Variants in COBLL1 observed in about 807,000 individuals in gnomAD.
COBLL1 encodes cordon-bleu WH2 repeat protein like 1, also known as cordon-bleu protein-like 1.
Under a neutral mutation model 94.8 loss-of-function variants are expected in COBLL1, and 50 were observed. The ratio of observed to expected loss-of-function variants is 0.53; its 90% CI spans 0.42 to 0.67. The LOEUF is 0.67. Ranked by LOEUF, COBLL1 falls within the 30% of genes least tolerant of loss-of-function variation. The probability of loss-of-function intolerance (pLI) is 0.00; values close to 1 mark genes in which losing one functional copy is unlikely to be tolerated. For missense variants in COBLL1, 1,362 were observed against 1,348.7 expected (o/e 1.01, Z -0.15); for synonymous variants, 448 against 473.8 (o/e 0.95, Z 0.71).
At chr2:164,677,692 A>G (rs1011353074), downstream of COBLL1, among the ~76,000 whole-genome samples, 6 of 152,228 alleles carry the variant, frequency 3.9e-5, no homozygotes, top group African/African-American at 1.4e-4. Context: ...ATGTCTTGCC[A>G]TGGTCTCTCA....
intron 3 of COBLL1, among the ~76,000 whole-genome samples, chr2:164,737,512 A>G (rs1201628076): frequency 2.6e-5 from 4 of 152,250 alleles, no homozygotes; most frequent in Admixed American, 1.3e-4. Flanking sequence ...AGGCAATTAC[A>G]GCAGAATAAG....
chr2:164,713,013 A>C (rs1335297445), intron 7 of COBLL1, among the ~76,000 whole-genome samples: 2 of 152,042 alleles, frequency 1.3e-5, no homozygotes, highest in African/African-American at 4.8e-5. Context: ...TTTCTTTGTT[A>C]TATTATTGTG....
intron 2 of COBLL1, among the ~76,000 whole-genome samples, chr2:164,804,813 T>C (rs925844417): frequency 2.0e-5 from 3 of 152,132 alleles, no homozygotes; most frequent in African/African-American, 7.2e-5. Flanking sequence ...ACAAGGCATC[T>C]CCTAGTGCAG....
At chr2:164,784,806 A>C (rs1485482955) in intron 2 of COBLL1, among the ~76,000 whole-genome samples, 1 of 152,118 alleles carries the variant, frequency 6.6e-6, no homozygotes, top group Non-Finnish European at 1.5e-5. Context: ...TTCCACTGGT[A>C]CTAGAGCCAA....
chr2:164,774,427 T>A (rs1197359334), intron 2 of COBLL1, among the ~76,000 whole-genome samples: 2 of 152,176 alleles, frequency 1.3e-5, no homozygotes, highest in Non-Finnish European at 2.9e-5. Context: ...ACAGCTAGAT[T>A]TTATAGTCAG....
intron 2 of COBLL1, among the ~76,000 whole-genome samples, chr2:164,810,545 C>A (rs1215724015): frequency 2.0e-5 from 3 of 151,410 alleles, no homozygotes; most frequent in African/African-American, 7.3e-5. Context: ...AAAGGAAACA[C>A]CCTAAAATCA....
intron 2 of COBLL1, among the ~76,000 whole-genome samples, chr2:164,765,486 G>GT (rs1687886602): frequency 2.0e-5 from 3 of 152,108 alleles, no homozygotes. Flanking sequence ...GCCATAAAAG[G>GT]TATTTTTTTA....
intron 13 of COBLL1, among the ~76,000 whole-genome samples, chr2:164,690,615 A>C (rs763333010): frequency 1.6e-4 from 25 of 152,172 alleles, no homozygotes; most frequent in Non-Finnish European, 3.1e-4. Context: ...AAACTGATGA[A>C]TATCTTCACT....
chr2:164,741,580 C>T (rs980962438), intron 3 of COBLL1, among the ~76,000 whole-genome samples: 6 of 151,082 alleles, frequency 4.0e-5, no homozygotes, highest in African/African-American at 1.5e-4. Flanking sequence ...GATAGTATTT[C>T]ATTTAATCAT....
In COBLL1 at chr2:164,841,381, T is replaced by A; in HGVS notation, c.-50-135A>T. 1 of 1,178,696 alleles carries A rather than the reference T, an allele frequency of 8.5e-7. No homozygotes were observed. The highest frequency in any genetic ancestry group is 1.0e-6 in the Non-Finnish European group (1 of 954,402). 73.0% of individuals were successfully genotyped at this position (1,178,696 alleles called of 1,614,324 possible). A position where few individuals can be genotyped will look rare whatever the true frequency, so the allele number is the denominator to read the frequency against. The stretch of plus-strand genomic sequence containing the variant: ...CCCGCCTCCCGGGTGCGCTTCCACC[T>A]GCGGGCCCCGGCTCCCAGCCCGCGG... On this transcript the variant is annotated intron_variant, in intron 1 of 13. Transcript: ENST00000652658. The surrounding 1 kb of genome is among the most constrained non-coding windows in gnomAD (Gnocchi z 5.5).
intron 13 of COBLL1, chr2:164,687,220 T>G (rs1683343449): frequency 4.9e-6 from 2 of 409,272 alleles, no homozygotes; most frequent in Admixed American, 3.9e-5. Flanking sequence ...TTTCTTTTTT[T>G]TTTTTTTGGA....
intron 2 of COBLL1, among the ~76,000 whole-genome samples, chr2:164,789,392 A>G (rs1683062033): frequency 6.6e-6 from 1 of 152,126 alleles, no homozygotes; most frequent in Non-Finnish European, 1.5e-5. Context: ...AATTTTTGTC[A>G]TACATATCCT....
chr2:164,780,726 A>C (rs1688687846), intron 2 of COBLL1, among the ~76,000 whole-genome samples: 1 of 152,146 alleles, frequency 6.6e-6, no homozygotes, highest in African/African-American at 2.4e-5. Flanking sequence ...CCTTATTTAG[A>C]AACCAAATAA....
intron 1 of COBLL1, among the ~76,000 whole-genome samples, chr2:164,668,260 A>G (rs1691196239): frequency 6.6e-6 from 1 of 152,110 alleles, no homozygotes; most frequent in Non-Finnish European, 1.5e-5. Flanking sequence ...CACCACGCCC[A>G]GCCTGTCTCG....
At chr2:164,743,250 CT>C (rs1220085490) in intron 3 of COBLL1, 1 of 154,086 alleles carries the variant, frequency 6.5e-6, no homozygotes, top group Admixed American at 6.5e-5. Flanking sequence ...AGTAATAAAA[CT>C]CTTAAAATTA....
At chr2:164,737,300 T>G (rs1169259810) in intron 3 of COBLL1, among the ~76,000 whole-genome samples, 1 of 152,148 alleles carries the variant, frequency 6.6e-6, no homozygotes, top group Non-Finnish European at 1.5e-5. Context: ...TGTGAATACT[T>G]TGTCACCCCT....
intron 2 of COBLL1, among the ~76,000 whole-genome samples, chr2:164,799,499 T>G (rs1320420512): frequency 6.6e-6 from 1 of 152,212 alleles, no homozygotes; most frequent in East Asian, 1.9e-4. Context: ...TGTTCATGGA[T>G]TAGAAGACTC....
At chr2:164,828,412 C>G (rs1194480229) in intron 2 of COBLL1, among the ~76,000 whole-genome samples, 1 of 151,896 alleles carries the variant, frequency 6.6e-6, no homozygotes, top group South Asian at 2.1e-4. Flanking sequence ...GGGAATAAAC[C>G]TAAATATCTA....
At chr2:164,693,602 G>A (rs949785067) in intron 12 of COBLL1, among the ~76,000 whole-genome samples, 4 of 152,038 alleles carry the variant, frequency 2.6e-5, no homozygotes, top group African/African-American at 4.8e-5. Context: ...CAAACACTAA[G>A]TCAACAACAT....
Sources: gnomAD v4.1 joint callset for allele counts (sites outside exome capture counted in the v4.1 genomes callset) on GRCh38, gnomAD v4.1.1 for gene constraint, Gnocchi (gnomAD v3.1) non-coding constraint, MANE v1.5 for transcripts, NCBI Gene and HGNC (gene_info 2026-07-23, HGNC 2026-07-21) for gene names.